SFT2D1: variants seen among roughly 807,000 people sequenced by gnomAD.
The protein encoded by SFT2D1 is vesicle transport protein SFT2A.
A neutral mutation model predicts 28.1 loss-of-function variants in SFT2D1; 24 were observed. The ratio of observed to expected loss-of-function variants is 0.85; its 90% CI spans 0.62 to 1.20. The LOEUF (loss-of-function observed/expected upper bound fraction) is 1.20, where lower values mean the gene tolerates loss of function less well. Ranked by LOEUF, SFT2D1 falls within the 50% of genes most tolerant of loss-of-function variation. The pLI is 0.00. For missense variants in SFT2D1, 181 were observed against 190.9 expected (o/e 0.95, Z 0.31); for synonymous variants, 82 against 73.7 (o/e 1.11, Z -0.58).
At chr6:166,329,269 C>A (rs1012083001) in intron 3 of SFT2D1, among the ~76,000 whole-genome samples, 2 of 152,216 alleles carry the variant, frequency 1.3e-5, no homozygotes, top group East Asian at 3.8e-4. Context: ...ACACTTAGAA[C>A]AGTCCCAGAC....
chr6:166,322,563 C>T (rs1481348824), intron 7 of SFT2D1, among the ~76,000 whole-genome samples: 1 of 151,520 alleles, frequency 6.6e-6, no homozygotes, highest in Non-Finnish European at 1.5e-5. Flanking sequence ...CATGGCAGTA[C>T]GCGCCTGTAG....
intron 7 of SFT2D1, among the ~76,000 whole-genome samples, chr6:166,321,002 T>C (rs1778344264): frequency 6.6e-6 from 1 of 151,996 alleles, no homozygotes; most frequent in Non-Finnish European, 1.5e-5. Flanking sequence ...TCCCAGCTAC[T>C]CAGGAGGCTG....
At chr6:166,334,185 C>T (rs928774097) in intron 1 of SFT2D1, among the ~76,000 whole-genome samples, 1 of 152,214 alleles carries the variant, frequency 6.6e-6, no homozygotes, top group African/African-American at 2.4e-5. Flanking sequence ...TTCATCCATC[C>T]ATCCATCCAT....
At chr6:166,322,054 G>GT (rs1778366760) in intron 7 of SFT2D1, among the ~76,000 whole-genome samples, 1 of 152,070 alleles carries the variant, frequency 6.6e-6, no homozygotes, top group Non-Finnish European at 1.5e-5. Flanking sequence ...AGCTAATTTT[G>GT]TATTTTTTAG....
At chr6:166,340,669 TCCTCAA>T (rs1778759825) in intron 1 of SFT2D1, among the ~76,000 whole-genome samples, 1 of 152,126 alleles carries the variant, frequency 6.6e-6, no homozygotes, top group African/African-American at 2.4e-5. Context: ...AACCCCAACC[TCCTCAA>T]CCTGCTCTGA....
chr6:166,323,088 T>C, intron 6 of SFT2D1: 1 of 469,044 alleles, frequency 2.1e-6, no homozygotes, highest in Non-Finnish European at 3.8e-6. Context: ...TTAAACCTCC[T>C]AAATCACAAG....
chr6:166,342,446 G>A lies in SFT2D1; in HGVS notation c.36C>T (p.Asp12=), dbSNP rs1344845539. Residue 12 remains aspartate (D), a synonymous_variant, in exon 1 of 8, where the codon GAC becomes GAT. Coordinates refer to ENST00000361731, the MANE Select transcript of SFT2D1 (RefSeq NM_145169.3). ...GCGCAGTCAGGCCCTGCTCCTCGTC[G>A]TCCTGGCCGCTCAGGACTCGCCGCA... ...EKLRRVLSGQ[D]DEEQGLTAQV... 1.3e-6 allele frequency: 2 copies of A among 1,560,290 alleles called. No homozygotes were observed. Among genetic ancestry groups the A allele is most frequent in the East Asian group, 2.4e-5 (1 of 41,844 alleles).
chr6:166,342,136 A>G (rs1175280679), intron 1 of SFT2D1, among the ~76,000 whole-genome samples: 1 of 152,080 alleles, frequency 6.6e-6, no homozygotes, highest in Non-Finnish European at 1.5e-5. Flanking sequence ...GGAGCGATGG[A>G]TTATTTGGGA....
At chr6:166,326,922 T>C (rs1010463753) in intron 4 of SFT2D1, among the ~76,000 whole-genome samples, 1 of 152,216 alleles carries the variant, frequency 6.6e-6, no homozygotes, top group Admixed American at 6.5e-5. Flanking sequence ...ATTCTAACAG[T>C]GAAATATACT....
chr6:166,338,777 A>G (rs1778712981), intron 1 of SFT2D1, among the ~76,000 whole-genome samples: 1 of 152,110 alleles, frequency 6.6e-6, no homozygotes, highest in Non-Finnish European at 1.5e-5. Flanking sequence ...GGATGTGATC[A>G]GGGGAGGAAT....
chr6:166,330,337 T>C (rs1316812988), intron 1 of SFT2D1, 90 bp from the exon 2 acceptor site: 8 of 795,792 alleles, frequency 1.0e-5, no homozygotes, highest in East Asian at 2.8e-5. Flanking sequence ...TTTTAACACA[T>C]AGTCTGAATC....
chr6:166,328,048 T>A (rs937409156), intron 4 of SFT2D1, among the ~76,000 whole-genome samples: 1 of 152,090 alleles, frequency 6.6e-6, no homozygotes, highest in African/African-American at 2.4e-5. Flanking sequence ...TCCGCCCACC[T>A]TGGCCCCCCA....
chr6:166,341,746 A>AC (rs1202955026), intron 1 of SFT2D1, among the ~76,000 whole-genome samples: 1 of 152,002 alleles, frequency 6.6e-6, no homozygotes, highest in Non-Finnish European at 1.5e-5. Flanking sequence ...TTCCTGCTCC[A>AC]CTGCTACTTT....
chr6:166,325,249 T>G (rs896492079), intron 5 of SFT2D1, among the ~76,000 whole-genome samples: 3 of 152,152 alleles, frequency 2.0e-5, no homozygotes, highest in African/African-American at 7.2e-5. Flanking sequence ...CTCATATAAC[T>G]AAAGTCCTGT....
chr6:166,339,858 G>A lies in SFT2D1; in HGVS notation c.63+2561C>T, dbSNP rs1778741454. On this transcript the variant is annotated intron_variant, in intron 1 of 7. Coordinates refer to ENST00000361731, the MANE Select transcript of SFT2D1 (RefSeq NM_145169.3). The stretch of plus-strand genomic sequence containing the variant: ...GTCAAACCTTGGACCTCATCTTGAC[G>A]ATCTCATCTCTCTCCTATTTCCTCC... Among the ~76,000 whole-genome samples the A allele has an allele frequency of 2.0e-5, 3 of 152,114 alleles. No individual in the cohort carries two copies. In the South Asian group the frequency reaches 6.2e-4, roughly 32 times the overall value.
chr6:166,341,448 TA>T (rs35479577), intron 1 of SFT2D1, among the ~76,000 whole-genome samples: 68,318 of 128,510 alleles, frequency 0.53, 17,343 homozygotes, highest in East Asian at 0.59. Context: ...AGACTCCATC[TA>T]AAAAAAAAAA....
chr6:166,339,977 T>C (rs1345111818), intron 1 of SFT2D1, among the ~76,000 whole-genome samples: 2 of 152,132 alleles, frequency 1.3e-5, no homozygotes, highest in Non-Finnish European at 2.9e-5. Flanking sequence ...CTGAAATGAT[T>C]TTCCTCCCTG....
intron 1 of SFT2D1, among the ~76,000 whole-genome samples, chr6:166,341,864 C>T (rs949426122): frequency 6.6e-6 from 1 of 152,002 alleles, no homozygotes; most frequent in African/African-American, 2.4e-5. Flanking sequence ...GGGCTCACTG[C>T]CTTAACAGAA....
chr6:166,335,310 G>A (rs1778626145), intron 1 of SFT2D1: 2 of 578,228 alleles, frequency 3.5e-6, no homozygotes, highest in East Asian at 8.8e-5. Flanking sequence ...AGGGATGGCT[G>A]TAATGGATTT....
Sources: gnomAD v4.1 joint callset for allele counts (sites outside exome capture counted in the v4.1 genomes callset) on GRCh38, gnomAD v4.1.1 for gene constraint, MANE v1.5 for transcripts, NCBI Gene and HGNC (gene_info 2026-07-23, HGNC 2026-07-21) for gene names.